The following LOC400499 variants were observed in gnomAD, a reference collection of about 807,000 sequenced individuals.
the LOC400499 span, among the ~76,000 whole-genome samples, chr16:11,376,722 A>G: frequency 6.6e-6 from 1 of 152,202 alleles, no homozygotes; most frequent in African/African-American, 2.4e-5. Context: ...TCTATAAGTG[A>G]AGAAAAAATG....
the LOC400499 span, chr16:11,387,083 G>A: frequency 8.1e-7 from 1 of 1,232,058 alleles, no homozygotes; most frequent in Non-Finnish European, 1.0e-6. Context: ...TCAGGGAGGA[G>A]GGCGGCACAG....
the LOC400499 span, among the ~76,000 whole-genome samples, chr16:11,451,207 T>G: frequency 6.6e-6 from 1 of 152,226 alleles, no homozygotes; most frequent in Non-Finnish European, 1.5e-5. Flanking sequence ...CAACTGTTAA[T>G]AGCAGAACCT....
chr16:11,490,951 A>G, the LOC400499 span, among the ~76,000 whole-genome samples: 1 of 152,240 alleles, frequency 6.6e-6, no homozygotes, highest in Non-Finnish European at 1.5e-5. Flanking sequence ...GCTACACTGC[A>G]TTAATAATAA....
the LOC400499 span, chr16:11,385,359 TCCCATA>T: frequency 1.8e-5 from 22 of 1,232,154 alleles, no homozygotes; most frequent in African/African-American, 2.8e-4. Context: ...GGTGCTGAGG[TCCCATA>T]CCCGGCCGTC....
the LOC400499 span, among the ~76,000 whole-genome samples, chr16:11,480,900 A>C: frequency 0.053 from 8,143 of 152,288 alleles, 299 homozygotes; most frequent in Middle Eastern, 0.078. Flanking sequence ...CAGACACAAA[A>C]AGAAGTACAG....
chr16:11,514,474 G>A, the LOC400499 span: 4 of 399,380 alleles, frequency 1.0e-5, no homozygotes, highest in Non-Finnish European at 1.8e-5. Flanking sequence ...GCTCTGTGCA[G>A]GAGGCCTCCC....
At chr16:11,427,798 G>C in the LOC400499 span, among the ~76,000 whole-genome samples, 5 of 152,292 alleles carry the variant, frequency 3.3e-5, no homozygotes, top group South Asian at 1.0e-3. Context: ...AACGAAGAAA[G>C]GGAAGGAGAC....
At chr16:11,499,930 G>C in the LOC400499 span, among the ~76,000 whole-genome samples, 2 of 152,156 alleles carry the variant, frequency 1.3e-5, no homozygotes, top group Non-Finnish European at 2.9e-5. Flanking sequence ...ACCTCTTTGG[G>C]CCTCGGTTTT....
At chr16:11,485,400 C>A in the LOC400499 span, among the ~76,000 whole-genome samples, 1 of 152,170 alleles carries the variant, frequency 6.6e-6, no homozygotes, top group Non-Finnish European at 1.5e-5. Flanking sequence ...TATACTCAGA[C>A]TGGAATGTGT....
At chr16:11,438,511 C>G in the LOC400499 span, among the ~76,000 whole-genome samples, 5 of 149,924 alleles carry the variant, frequency 3.3e-5, no homozygotes, top group Non-Finnish European at 5.9e-5. Flanking sequence ...TGGCTCATGC[C>G]TGTAATCCCA....
the LOC400499 span, among the ~76,000 whole-genome samples, chr16:11,495,178 C>A: frequency 6.6e-6 from 1 of 150,738 alleles, no homozygotes; most frequent in African/African-American, 2.4e-5. Flanking sequence ...CACTGCACTG[C>A]ACCCTGGGTG....
the LOC400499 span, among the ~76,000 whole-genome samples, chr16:11,494,363 TG>T: frequency 2.2e-4 from 11 of 49,914 alleles, no homozygotes; most frequent in Non-Finnish European, 2.8e-4. Flanking sequence ...GGCAGTGGTG[TG>T]GGGGGGGCAG....
At chr16:11,405,922 C>T in the LOC400499 span, among the ~76,000 whole-genome samples, 4 of 152,236 alleles carry the variant, frequency 2.6e-5, no homozygotes, top group African/African-American at 9.6e-5. Context: ...CACCCAGCTC[C>T]AGCCCAGTGG....
chr16:11,450,509 G>T, the LOC400499 span: 2 of 1,183,002 alleles, frequency 1.7e-6, no homozygotes, highest in Non-Finnish European at 2.4e-6. Context: ...CCTGTGAGCT[G>T]CTATCTGCCC....
At chr16:11,426,009 C>T in the LOC400499 span, among the ~76,000 whole-genome samples, 5 of 152,254 alleles carry the variant, frequency 3.3e-5, no homozygotes, top group Admixed American at 3.3e-4. Context: ...TGCAGGGAAT[C>T]CCACTAAAGC....
chr16:11,387,097 G>C, the LOC400499 span: 6 of 1,232,094 alleles, frequency 4.9e-6, no homozygotes, highest in Admixed American at 4.2e-5. Flanking sequence ...GGCACAGCCC[G>C]GGGCAGGACT....
the LOC400499 span, among the ~76,000 whole-genome samples, chr16:11,453,538 A>C: frequency 6.6e-6 from 1 of 152,226 alleles, no homozygotes; most frequent in Non-Finnish European, 1.5e-5. Flanking sequence ...GCTGTAAGAA[A>C]GGAACAACAA....
chr16:11,463,148 G>A, the LOC400499 span, among the ~76,000 whole-genome samples: 71 of 152,318 alleles, frequency 4.7e-4, no homozygotes, highest in African/African-American at 1.6e-3. Flanking sequence ...GGGCCACGGG[G>A]ACAGCTCACT....
chr16:11,431,216 A>G, the LOC400499 span: 2 of 398,934 alleles, frequency 5.0e-6, no homozygotes, highest in African/African-American at 4.1e-5. Flanking sequence ...AGTGCCTTGG[A>G]AAACAGCCAA....
Sources: gnomAD v4.1 joint callset for allele counts (sites outside exome capture counted in the v4.1 genomes callset) on GRCh38, gnomAD v4.1.1 for gene constraint, MANE v1.5 for transcripts.